Variants in ZNF473 observed in about 807,000 individuals in gnomAD.
ZNF473 encodes the protein zinc finger protein 473.
A neutral mutation model predicts 11.1 loss-of-function variants in ZNF473; 4 were observed. That is an observed-to-expected ratio of 0.36 (90% confidence interval 0.18 to 0.82). The LOEUF is 0.82. Ranked by LOEUF, ZNF473 falls within the 40% of genes least tolerant of loss-of-function variation. ZNF473 has a pLI of 0.49. For missense variants in ZNF473, 854 were observed against 1,084.0 expected (o/e 0.79, Z 2.98); for synonymous variants, 404 against 390.4 (o/e 1.03, Z -0.41).
chr19:50,030,987 C>G lies in ZNF473; in HGVS notation c.-96C>G. 2.0e-6 allele frequency: 3 copies of G among 1,526,160 alleles called. No homozygotes were observed. The highest frequency in any genetic ancestry group is 2.7e-6 in the Non-Finnish European group (3 of 1,124,988). The allele number at this position is 1,526,160 out of a possible 1,614,324, so 94.5% of individuals were successfully genotyped here. A position where few individuals can be genotyped will look rare whatever the true frequency, so the allele number is the denominator to read the frequency against. On this transcript the variant is annotated 5_prime_UTR_variant, in exon 2 of 5. Coordinates refer to ENST00000270617, the MANE Select transcript of ZNF473 (RefSeq NM_015428.4). ...CAGCCATGGGTGGAAGGGAGGCTTTCTCACAGCTCCCTTGTGCTTCCCACA... is the reference window on the plus strand; with the variant it reads ...CAGCCATGGGTGGAAGGGAGGCTTTGTCACAGCTCCCTTGTGCTTCCCACA...
chr19:50,039,114 C>T lies in ZNF473; in HGVS notation c.10-47C>T. On this transcript the variant is annotated intron_variant, in intron 2 of 4. Transcript: ENST00000270617. The surrounding 1 kb of genome is among the most constrained non-coding windows in gnomAD (Gnocchi z 4.8). ...GTGCCCTGAGTGAGCTGTTGGGCTC[C>T]TCCCTGACCCCAGCCTCTGAGTGAC... 1.2e-6 allele frequency: 2 copies of T among 1,608,064 alleles called. 1 individual carries two copies. Among genetic ancestry groups the T allele is most frequent in the Middle Eastern group, 3.3e-4 (2 of 6,042 alleles).
At position 50,047,815 on chromosome 19, in the gene ZNF473, A is replaced by G. The variant is rs562182742; in HGVS notation, c.*756A>G. 1.1e-4 allele frequency: 16 copies of G among 152,358 alleles called. No homozygotes were observed. The highest frequency in any genetic ancestry group is 3.8e-4 in the African/African-American group (16 of 41,564). The allele number at this position is 152,358 out of a possible 1,614,324, so 9.4% of individuals were successfully genotyped here. On this transcript the variant is annotated 3_prime_UTR_variant, in exon 5 of 5. Transcript: ENST00000270617. ...TTCCTATGACCTTCCTCCATTTAAC[A>G]GTGTTGGTTATGCAATAAGACACCC...
intron 1 of ZNF473, among the ~76,000 whole-genome samples, chr19:50,028,378 C>T (rs542172493): frequency 1.3e-5 from 2 of 151,520 alleles, no homozygotes; most frequent in South Asian, 4.2e-4. Context: ...TACAGTGACA[C>T]AATCATAGCT....
intron 2 of ZNF473, among the ~76,000 whole-genome samples, chr19:50,031,677 G>A (rs1340125536): frequency 6.6e-6 from 1 of 152,078 alleles, no homozygotes; most frequent in Non-Finnish European, 1.5e-5. Context: ...GCCCATATCT[G>A]TCAGCCCCAC....
intron 1 of ZNF473, among the ~76,000 whole-genome samples, chr19:50,029,577 C>G (rs2077306287): frequency 6.6e-6 from 1 of 152,198 alleles, no homozygotes; most frequent in African/African-American, 2.4e-5. Flanking sequence ...TTAAGTGATC[C>G]GTGCTGCTTT....
At position 50,031,051 on chromosome 19, in the gene ZNF473, G is replaced by T; in HGVS notation, c.-32G>T. The T allele has an allele frequency of 6.4e-7, 1 of 1,562,418 alleles. No homozygotes were observed. Among genetic ancestry groups the T allele is most frequent in the Non-Finnish European group, 8.7e-7 (1 of 1,152,948 alleles). On this transcript the variant is annotated 5_prime_UTR_variant, in exon 2 of 5. Coordinates refer to ENST00000270617, the MANE Select transcript of ZNF473 (RefSeq NM_015428.4). ...GGAACACGGAGGGGAAGGAGGAGGAGCTTAAAAGAGGCTACTGAACCCCAG... is the reference window on the plus strand; with the variant it reads ...GGAACACGGAGGGGAAGGAGGAGGATCTTAAAAGAGGCTACTGAACCCCAG...
Position 50,046,132 on chromosome 19 carries a change from G to C in ZNF473, c.1689G>C (p.Lys563Asn). The C allele has an allele frequency of 3.1e-6, 5 of 1,614,202 alleles. No individual in the cohort carries two copies. Among genetic ancestry groups the C allele is most frequent in the Non-Finnish European group, 4.2e-6 (5 of 1,180,040 alleles). The change falls in exon 5 of 5, where the codon AAG becomes AAC. Residue 563 changes from lysine (K) to asparagine (N), a missense_variant. Around this residue, in one of 2 missense-constraint regions of ZNF473, gnomAD observed 668 missense variants for 790.2 expected, o/e 0.85. Transcript: ENST00000270617. The surrounding 1 kb of genome is among the most constrained non-coding windows in gnomAD (Gnocchi z 5.9). ...CAGAACAGAAAGAGAAGTGCTTTAA[G>C]TGTAACAAATGTGAGAAAACCTTTA... ...QNPEQKEKCF[K>N]CNKCEKTFSC...
chr19:50,029,066 G>A (rs2077302910), intron 1 of ZNF473, among the ~76,000 whole-genome samples: 1 of 152,196 alleles, frequency 6.6e-6, no homozygotes, highest in Non-Finnish European at 1.5e-5. Flanking sequence ...AATGAACGAT[G>A]ATACTTTTCT....
At chr19:50,040,765 G>GTA (rs1334659727) in intron 3 of ZNF473, 1 of 152,234 alleles carries the variant, frequency 6.6e-6, no homozygotes, top group Non-Finnish European at 1.5e-5. Context: ...GATGAAAGAA[G>GTA]TAAAAGATAA....
Position 50,045,026 on chromosome 19 carries a change from G to A in ZNF473, c.583G>A (p.Asp195Asn), listed in dbSNP as rs780655983. Residue 195 changes from aspartate (D) to asparagine (N), a missense_variant, in exon 5 of 5, where the codon GAC becomes AAC. By Grantham distance (23) the Asp-to-Asn change is conservative. Transcript: ENST00000270617. ...EYRGEFFSYS[D>N]HSQQDSVQEG... ...TAGGGGTGAGTTTTTCTCCTACTCC[G>A]ACCACAGCCAGCAGGATTCTGTTCA... is the stretch of plus-strand genomic sequence containing the variant. 8 of 1,614,002 alleles carry A rather than the reference G, an allele frequency of 5.0e-6. No individual in the cohort carries two copies. Among genetic ancestry groups the A allele is most frequent in the Admixed American group, 1.7e-5 (1 of 59,984 alleles).
In ZNF473 at chr19:50,046,980, G is replaced by A. The variant is rs747192452; in HGVS notation, c.2537G>A (p.Arg846His). Residue 846 changes from arginine (R) to histidine (H), a missense_variant, in exon 5 of 5, where the codon CGT (arginine) becomes CAT (histidine). By Grantham distance (29) the Arg-to-His change is conservative. Coordinates refer to ENST00000270617, the MANE Select transcript of ZNF473 (RefSeq NM_015428.4). This position sits in a 1 kb window ranked among gnomAD's most constrained non-coding sequence, Gnocchi z 5.9. ...HTQETLYQCQ[R>H]CQKAFRCHSS... The stretch of plus-strand genomic sequence containing the variant: ...CAGGAGACACTTTATCAGTGTCAAC[G>A]TTGCCAGAAAGCCTTTCGGTGCCAC... 4.6e-5 allele frequency: 74 copies of A among 1,613,974 alleles called. No individual in the cohort carries two copies. Among genetic ancestry groups the A allele is most frequent in the Non-Finnish European group, 5.6e-5 (66 of 1,180,034 alleles).
intron 4 of ZNF473, 34 bp from the exon 5 acceptor site, chr19:50,044,635 TA>T: frequency 6.5e-7 from 1 of 1,532,844 alleles, no homozygotes; most frequent in Non-Finnish European, 8.9e-7. Flanking sequence ...TTCTCACCCT[TA>T]GTGAACAGGA....
At chr19:50,033,525 C>T (rs2077328494) in intron 2 of ZNF473, among the ~76,000 whole-genome samples, 1 of 152,158 alleles carries the variant, frequency 6.6e-6, no homozygotes, top group South Asian at 2.1e-4. Flanking sequence ...CTTGCTCGTC[C>T]ACCCAATTCC....
rs1191685287 is a variant in ZNF473 at position 50,045,754 on chromosome 19, G to A, written c.1311G>A (p.Gly437=). ...GEKPYKCSEC[G]KAFHRHTHLN... is the part of the protein sequence containing the mutation. ...AGCCTTACAAATGCAGTGAGTGTGG[G>A]AAGGCCTTCCACCGGCACACTCACC... Residue 437 remains glycine, a synonymous_variant, in exon 5 of 5, where the codon GGG becomes GGA. Transcript: ENST00000270617. 3.1e-6 allele frequency: 5 copies of A among 1,614,080 alleles called. No individual in the cohort carries two copies. The highest frequency in any genetic ancestry group is 4.2e-6 in the Non-Finnish European group (5 of 1,180,022).
intron 3 of ZNF473, 182 bp from the exon 4 acceptor site, chr19:50,041,548 C>T (rs1385510737): frequency 2.3e-6 from 1 of 436,604 alleles, no homozygotes; most frequent in Non-Finnish European, 4.1e-6. Flanking sequence ...CTCTCCATCA[C>T]TGGACTGGGA....
rs1979026096 is a variant in ZNF473, at chr19:50,045,397, G to A, written c.954G>A (p.Lys318=). The A allele has an allele frequency of 6.2e-7, 1 of 1,614,044 alleles. No individual in the cohort carries two copies. Among genetic ancestry groups the A allele is most frequent in the African/African-American group, 1.3e-5 (1 of 74,902 alleles). ...GEHQKTHTDS[K]SYNCNECGKA... ...ATCAGAAAACTCACACAGATAGTAA[G>A]TCCTACAACTGTAACGAATGCGGCA... Residue 318 remains lysine (K), a synonymous_variant, in exon 5 of 5, where the codon AAG becomes AAA. Transcript: ENST00000270617.
rs148474136 is a variant in ZNF473, at chr19:50,045,550, C to T, written c.1107C>T (p.His369=). 71 of 1,614,106 alleles carry T rather than the reference C, an allele frequency of 4.4e-5. No individual in the cohort carries two copies. The African/African-American group carries it at 4.5e-4, about 10-fold the overall frequency. The change falls in exon 5 of 5, where the codon CAC becomes CAT. Residue 369 remains histidine (H), a synonymous_variant. Transcript: ENST00000270617. ...ACCTCATCCAACATCAGAAAACTCA[C>T]GCTGCAAAAACTACCTCTGAGTGTC... ...RKHLIQHQKT[H]AAKTTSECQE... is the part of the protein sequence containing the mutation.
intron 2 of ZNF473, among the ~76,000 whole-genome samples, chr19:50,033,519 C>T (rs1034655495): frequency 1.3e-5 from 2 of 152,160 alleles, no homozygotes; most frequent in African/African-American, 4.8e-5. Context: ...ATCCCCCTTG[C>T]TCGTCCACCC....
chr19:50,043,761 T>C (rs908680278), intron 4 of ZNF473, among the ~76,000 whole-genome samples: 1 of 152,086 alleles, frequency 6.6e-6, no homozygotes, highest in Non-Finnish European at 1.5e-5. Flanking sequence ...GGATGGTCAG[T>C]GCTCAGCTGG....
Sources: gnomAD v4.1 joint callset for allele counts (sites outside exome capture counted in the v4.1 genomes callset) on GRCh38, gnomAD v4.1.1 for gene constraint, gnomAD v4.1.1 regional missense constraint, Gnocchi (gnomAD v3.1) non-coding constraint, MANE v1.5 for transcripts, NCBI Gene and HGNC (gene_info 2026-07-23, HGNC 2026-07-21) for gene names.